Variants in CTSB observed in about 807,000 individuals in gnomAD.
The protein encoded by CTSB is cathepsin B.
CTSB carries 57 observed loss-of-function variants against 44.3 expected under a neutral mutation model. That is an observed-to-expected ratio of 1.29 (90% CI 1.04 to 1.60). The LOEUF (loss-of-function observed/expected upper bound fraction) is 1.60. CTSB is among the 40% of genes most tolerant of loss of function. The pLI, the probability that CTSB is intolerant of heterozygous loss-of-function variation, is 0.00. For synonymous variants in CTSB, 320 were observed against 168.0 expected, an observed-to-expected ratio of 1.91 and a Z score of -7.00; for missense variants, 768 against 443.0, an observed-to-expected ratio of 1.73 and a Z score of -6.59.
At chr8:11,865,770 G>C (rs543732357) in intron 1 of CTSB, among the ~76,000 whole-genome samples, 48 of 151,006 alleles carry the variant, frequency 3.2e-4, no homozygotes, top group African/African-American at 1.1e-3. Flanking sequence ...ACCACTTTGG[G>C]AGGCTGAGGC....
Position 11,848,337 on chromosome 8 carries a change from G to T in CTSB, c.447-185C>A, listed in dbSNP as rs1053338942. 8 of 689,452 alleles carry T rather than the reference G, an allele frequency of 1.2e-5. No individual in the cohort carries two copies. In the East Asian group the frequency reaches 2.2e-4, roughly 19 times the overall value. 42.7% of individuals were successfully genotyped at this position (689,452 alleles called of 1,614,324 possible). On this transcript the variant is annotated intron_variant, in intron 5 of 9. Coordinates refer to ENST00000353047, the MANE Select transcript of CTSB (RefSeq NM_001908.5). ...CTCCCTAGATAAGCACAGCTTGCAG[G>T]GAATAACCGCCAGCCCCACCCCTGC... is the stretch of plus-strand genomic sequence containing the variant.
intron 6 of CTSB, 54 bp from the exon 7 acceptor site, chr8:11,847,876 CTGGGG>C: frequency 6.5e-7 from 1 of 1,543,690 alleles, no homozygotes; most frequent in Non-Finnish European, 8.7e-7. Context: ...CGGAGAAGAC[CTGGGG>C]CAAGGCAAGC....
chr8:11,850,429 AAAAAAAAAAAAAG>A (rs1018315062), intron 4 of CTSB, among the ~76,000 whole-genome samples: 11 of 147,092 alleles, frequency 7.5e-5, no homozygotes, highest in African/African-American at 1.7e-4. Flanking sequence ...CAAAAAAAAA[AAAAAAAAAAAAAG>A]AAAGAAAAAG....
chr8:11,854,048 G>A (rs553658992), intron 1 of CTSB, among the ~76,000 whole-genome samples: 25 of 152,306 alleles, frequency 1.6e-4, no homozygotes, highest in African/African-American at 5.5e-4. Flanking sequence ...TCTGCTTCCG[G>A]CTGCGGAGAT....
At chr8:11,849,311 G>C in intron 4 of CTSB, 147 bp from the exon 5 acceptor site, 2 of 562,788 alleles carry the variant, frequency 3.6e-6, no homozygotes, top group African/African-American at 1.9e-5. Flanking sequence ...CTCAAACTCA[G>C]CTTTTATTTT....
At chr8:11,861,135 A>T (rs542998395) in intron 1 of CTSB, among the ~76,000 whole-genome samples, 2 of 152,360 alleles carry the variant, frequency 1.3e-5, no homozygotes, top group East Asian at 3.9e-4. Context: ...AACAAAATCC[A>T]AAGGGCTCTC....
rs1026718731 is a variant in CTSB at position 11,843,710 on chromosome 8, C to G, written c.*1415G>C. The G allele has an allele frequency of 6.6e-6, 1 of 152,312 alleles. No homozygotes were observed. The highest frequency in any genetic ancestry group is 1.5e-5 in the Non-Finnish European group (1 of 68,038). The allele number at this position is 152,312 out of a possible 1,614,324, so 9.4% of individuals were successfully genotyped here. On this transcript the variant is annotated 3_prime_UTR_variant, in exon 10 of 10. Coordinates refer to ENST00000353047, the MANE Select transcript of CTSB (RefSeq NM_001908.5). ...CCAAGCCTGTTTTATGAGCTGAATC[C>G]TCAGCTTGTTGCTGGATTTGTGGCT...
At chr8:11,860,162 C>T (rs189810176) in intron 1 of CTSB, among the ~76,000 whole-genome samples, 5 of 152,312 alleles carry the variant, frequency 3.3e-5, no homozygotes, top group Admixed American at 3.3e-4. Flanking sequence ...TTTAAGGAGA[C>T]AGGATATGTA....
At chr8:11,862,066 G>T (rs903466369) in intron 1 of CTSB, among the ~76,000 whole-genome samples, 1 of 152,160 alleles carries the variant, frequency 6.6e-6, no homozygotes, top group African/African-American at 2.4e-5. Flanking sequence ...AAATAGCCAG[G>T]CATGGTGGCA....
chr8:11,845,329 G>C (rs1813076741), intron 9 of CTSB, 107 bp from the exon 10 acceptor site: 2 of 858,818 alleles, frequency 2.3e-6, no homozygotes, highest in African/African-American at 3.3e-5. Flanking sequence ...CACTCCTGCT[G>C]TTGGCCCACT....
intron 1 of CTSB, among the ~76,000 whole-genome samples, chr8:11,863,123 G>C (rs1816662707): frequency 6.6e-6 from 1 of 152,042 alleles, no homozygotes; most frequent in African/African-American, 2.4e-5. Context: ...GACCAGCCTG[G>C]GCAGGATAGT....
In CTSB at chr8:11,843,305, A is replaced by T. The variant is rs1812600258; in HGVS notation, c.*1820T>A. Reference sequence around the variant, plus strand: ...ACAAACCTTTCCTACAATGTTCCTCAGATTTTCAGAGCTTATTTGATCTAG... The same window carrying T: ...ACAAACCTTTCCTACAATGTTCCTCTGATTTTCAGAGCTTATTTGATCTAG... On this transcript the variant is annotated 3_prime_UTR_variant, in exon 10 of 10. Transcript: ENST00000353047. 6.6e-6 allele frequency: 1 copy of T among 152,150 alleles called. No homozygotes were observed. Among genetic ancestry groups the T allele is most frequent in the African/African-American group, 2.4e-5 (1 of 41,442 alleles). 9.4% of individuals were successfully genotyped at this position (152,150 alleles called of 1,614,324 possible).
At chr8:11,849,970 TAG>T (rs1814247307) in intron 4 of CTSB, 1 of 152,288 alleles carries the variant, frequency 6.6e-6, no homozygotes, top group Non-Finnish European at 1.5e-5. Flanking sequence ...GTCAAATTCA[TAG>T]AGACAGAAAG....
At chr8:11,853,814 T>A (rs1039736676) in intron 1 of CTSB, 3 of 206,992 alleles carry the variant, frequency 1.4e-5, no homozygotes, top group Non-Finnish European at 2.9e-5. Flanking sequence ...CCCAAGTGAG[T>A]GATATGAAAC....
At chr8:11,863,145 T>C (rs1435336617) in intron 1 of CTSB, among the ~76,000 whole-genome samples, 1 of 152,158 alleles carries the variant, frequency 6.6e-6, no homozygotes, top group Admixed American at 6.5e-5. Flanking sequence ...ACCTCGTCTC[T>C]ATATAGAAAA....
Position 11,847,764 on chromosome 8 carries a change from TG to T in CTSB, c.590del (p.Pro197HisfsTer78), listed in dbSNP as rs1813691689. 6.2e-7 allele frequency: 1 copy of T among 1,601,382 alleles called. No individual in the cohort carries two copies. Among genetic ancestry groups the T allele is most frequent in the Non-Finnish European group, 8.5e-7 (1 of 1,176,216 alleles). On this transcript the variant is annotated frameshift_variant, in exon 7 of 10. Transcript: ENST00000353047. LOFTEE classifies it high-confidence loss of function. Reference sequence around the variant, plus strand: ...TGGGGGTATCTCCCTCCCCCGTGCATGGGGGCCGGGAGCCGTTGACGTGGTG... The same window carrying T: ...TGGGGGTATCTCCCTCCCCCGTGCATGGGGCCGGGAGCCGTTGACGTGGTG... The part of the protein sequence containing the change: ...CEHHVNGSRP[P>X]CTGEGDTPKC...
intron 1 of CTSB, among the ~76,000 whole-genome samples, chr8:11,855,403 T>C (rs1586157877): frequency 6.6e-6 from 1 of 152,248 alleles, no homozygotes; most frequent in East Asian, 1.9e-4. Context: ...ATGCCTATAA[T>C]CCCAGTACTT....
chr8:11,864,811 G>C (rs542937090), intron 1 of CTSB, among the ~76,000 whole-genome samples: 1 of 152,134 alleles, frequency 6.6e-6, no homozygotes, highest in East Asian at 1.9e-4. Context: ...CTACTCCGGA[G>C]GCTGAGGCAG....
At chr8:11,857,639 C>T (rs989526932) in intron 1 of CTSB, among the ~76,000 whole-genome samples, 10 of 152,150 alleles carry the variant, frequency 6.6e-5, no homozygotes, top group African/African-American at 1.9e-4. Context: ...GACAACCTGC[C>T]GTGGCCATTC....
Sources: allele counts gnomAD v4.1 joint callset (sites outside exome capture counted in the v4.1 genomes callset), GRCh38; gene constraint gnomAD v4.1.1; transcripts MANE v1.5; gene names NCBI Gene and HGNC (gene_info 2026-07-23, HGNC 2026-07-21).